The following WDPCP variants were observed in gnomAD, a reference collection of about 807,000 sequenced individuals.
WDPCP encodes the protein WD repeat-containing and planar cell polarity effector protein fritz homolog.
In WDPCP, 71 loss-of-function variants were observed where a neutral mutation model predicts 93.1. The ratio of observed to expected loss-of-function variants is 0.76; its 90% confidence interval spans 0.63 to 0.93. WDPCP has a LOEUF of 0.93. Among genes scored for constraint, WDPCP ranks in the 40% least tolerant of loss-of-function variants. WDPCP has a pLI of 0.00. For missense variants in WDPCP, 844 were observed against 887.4 expected, an observed-to-expected ratio of 0.95 and a Z score of 0.62; for synonymous variants, 315 against 315.0, an observed-to-expected ratio of 1.00 and a Z score of 0.00.
chr2:63,445,764 AAGC>A (rs1697815359), intron 6 of WDPCP, among the ~76,000 whole-genome samples: 5 of 152,212 alleles, frequency 3.3e-5, no homozygotes, highest in Admixed American at 3.3e-4. Flanking sequence ...AAAGAGTTAA[AAGC>A]AGTGGTGAGA....
At chr2:63,269,633 A>T (rs1682459229) in intron 13 of WDPCP, among the ~76,000 whole-genome samples, 2 of 152,210 alleles carry the variant, frequency 1.3e-5, no homozygotes, top group African/African-American at 4.8e-5. Context: ...GTACTATAAC[A>T]TATTGATGTT....
In WDPCP at chr2:63,492,851, T is replaced by C. The variant is rs1049034562; in HGVS notation, c.160+5A>G. On this transcript the variant is annotated splice_donor_5th_base_variant and intron_variant, in intron 2 of 17. Transcript: ENST00000272321. The stretch of plus-strand genomic sequence containing the variant: ...AATATTGAAATTAATCCAGAGCTCA[T>C]TTACCCGCAATGTGTAAGGTATTCT... 2 of 1,613,188 alleles carry C rather than the reference T, an allele frequency of 1.2e-6. No individual in the cohort carries two copies. The highest frequency in any genetic ancestry group is 1.7e-4 in the Middle Eastern group (1 of 6,058).
chr2:63,606,753 G>C, intron 3 of WDPCP: 3 of 630,182 alleles, frequency 4.8e-6, no homozygotes, highest in Non-Finnish European at 7.2e-6. Context: ...ATTTACTTTA[G>C]AATCAGACTT....
chr2:63,181,138 C>A (rs988428183), intron 14 of WDPCP, among the ~76,000 whole-genome samples: 2 of 151,992 alleles, frequency 1.3e-5, no homozygotes, highest in African/African-American at 4.8e-5. Flanking sequence ...AATGTTTTCT[C>A]CCATTCTACA....
chr2:63,644,180 G>T (rs965840985), intron 3 of WDPCP: 1 of 268,400 alleles, frequency 3.7e-6, no homozygotes, highest in South Asian at 4.1e-5. Flanking sequence ...TCTTTGTCTG[G>T]TTTTGGTATC....
At chr2:63,271,546 G>C (rs930879667) in intron 13 of WDPCP, among the ~76,000 whole-genome samples, 2 of 152,208 alleles carry the variant, frequency 1.3e-5, no homozygotes, top group African/African-American at 2.4e-5. Flanking sequence ...CCTTGGGACT[G>C]ACTCATCCCA....
At chr2:63,241,855 G>C (rs1185167082) in intron 14 of WDPCP, among the ~76,000 whole-genome samples, 1 of 152,062 alleles carries the variant, frequency 6.6e-6, no homozygotes, top group Non-Finnish European at 1.5e-5. Flanking sequence ...CTCAGCCTCT[G>C]CAAGTGCTGG....
intron 3 of WDPCP, among the ~76,000 whole-genome samples, chr2:63,603,824 A>C (rs1335602800): frequency 2.0e-5 from 3 of 152,038 alleles, no homozygotes; most frequent in Non-Finnish European, 4.4e-5. Flanking sequence ...AGCCCGGCTA[A>C]CTTTGTATTT....
chr2:63,125,206 A>G (rs1669811070), intron 17 of WDPCP, among the ~76,000 whole-genome samples: 1 of 152,212 alleles, frequency 6.6e-6, no homozygotes, highest in African/African-American at 2.4e-5. Context: ...GCACTTGCCA[A>G]AGGTTGGCTT....
At chr2:63,337,439 A>G (rs1163029799) in intron 12 of WDPCP, among the ~76,000 whole-genome samples, 2 of 152,192 alleles carry the variant, frequency 1.3e-5, no homozygotes, top group African/African-American at 4.8e-5. Flanking sequence ...ATAGTTCTGT[A>G]ATAAACATGG....
chr2:63,386,816 G>A (rs1470286555), intron 10 of WDPCP, among the ~76,000 whole-genome samples: 1 of 151,736 alleles, frequency 6.6e-6, no homozygotes, highest in Non-Finnish European at 1.5e-5. Flanking sequence ...AAAAAACTGT[G>A]GCACAGAAAT....
chr2:63,782,624 T>C (rs112319620), intron 2 of WDPCP, among the ~76,000 whole-genome samples: 7 of 152,304 alleles, frequency 4.6e-5, no homozygotes, highest in African/African-American at 1.7e-4. Context: ...TATTGTCTTA[T>C]ACCAGTCAGA....
the WDPCP span, chr2:63,840,808 G>C: frequency 1.3e-5 from 2 of 152,590 alleles, no homozygotes; most frequent in Non-Finnish European, 2.9e-5. Flanking sequence ...CCCACGCGCG[G>C]TATCCCCGCG....
intron 2 of WDPCP, among the ~76,000 whole-genome samples, chr2:63,712,389 A>G (rs1669275367): frequency 6.6e-6 from 1 of 152,254 alleles, no homozygotes; most frequent in Admixed American, 6.5e-5. Flanking sequence ...TAATAGCTCA[A>G]GGAGATAAAT....
intron 2 of WDPCP, among the ~76,000 whole-genome samples, chr2:63,678,864 T>C (rs1411223080): frequency 6.6e-6 from 1 of 152,158 alleles, no homozygotes; most frequent in Non-Finnish European, 1.5e-5. Context: ...GTCAGCATAG[T>C]TCTAGAGCTA....
At chr2:63,403,180 C>G (rs576983651) in intron 10 of WDPCP, among the ~76,000 whole-genome samples, 1 of 152,094 alleles carries the variant, frequency 6.6e-6, no homozygotes, top group Non-Finnish European at 1.5e-5. Flanking sequence ...AAACAGAAAA[C>G]CAAATACCGC....
chr2:63,648,515 G>A (rs541862468), intron 3 of WDPCP, among the ~76,000 whole-genome samples: 2 of 152,084 alleles, frequency 1.3e-5, no homozygotes, highest in Non-Finnish European at 2.9e-5. Flanking sequence ...CCAAAATACG[G>A]TGCCCCTAGT....
intron 12 of WDPCP, among the ~76,000 whole-genome samples, chr2:63,335,357 C>G (rs536517020): frequency 6.6e-6 from 1 of 152,190 alleles, no homozygotes; most frequent in East Asian, 1.9e-4. Flanking sequence ...ATGATTGAGA[C>G]TCTCCTTGCT....
intron 3 of WDPCP, among the ~76,000 whole-genome samples, chr2:63,606,447 C>G (rs761224583): frequency 6.6e-6 from 1 of 152,156 alleles, no homozygotes; most frequent in Admixed American, 6.5e-5. Flanking sequence ...TTTTTCTCAG[C>G]TTTAAAACTA....
Sources: gnomAD v4.1 joint callset for allele counts (sites outside exome capture counted in the v4.1 genomes callset) on GRCh38, gnomAD v4.1.1 for gene constraint, MANE v1.5 for transcripts, NCBI Gene and HGNC (gene_info 2026-07-23, HGNC 2026-07-21) for gene names.